Variants in YEATS4 observed in about 807,000 individuals in gnomAD.
YEATS4 encodes the protein YEATS domain-containing protein 4.
A neutral mutation model predicts 30.1 loss-of-function variants in YEATS4; 17 were observed. That is an observed-to-expected ratio of 0.56 (90% CI 0.39 to 0.85). YEATS4 has a LOEUF of 0.85. Among genes scored for constraint, YEATS4 ranks in the 40% least tolerant of loss-of-function variants. The pLI is 0.00. For synonymous variants in YEATS4, 85 were observed against 87.5 expected, an observed-to-expected ratio of 0.97 and a Z score of 0.16; for missense variants, 142 against 268.3, an observed-to-expected ratio of 0.53 and a Z score of 3.29.
chr12:69,405,673 G>T, the YEATS4 span, among the ~76,000 whole-genome samples: 4 of 152,212 alleles, frequency 2.6e-5, no homozygotes, highest in Non-Finnish European at 5.9e-5. Context: ...TGCAGACAGC[G>T]TGGATCTGCT....
intron 4 of YEATS4, among the ~76,000 whole-genome samples, chr12:69,367,192 C>G (rs547903512): frequency 1.3e-5 from 2 of 152,120 alleles, no homozygotes; most frequent in Non-Finnish European, 2.9e-5. Flanking sequence ...TACTTCGTTA[C>G]GCTTCCCTGA....
chr12:69,377,507 C>T (rs549674671), intron 6 of YEATS4, among the ~76,000 whole-genome samples: 2 of 152,204 alleles, frequency 1.3e-5, no homozygotes, highest in South Asian at 4.1e-4. Context: ...GCGATCCTCC[C>T]ACCTCAGCCT....
At position 69,370,937 on chromosome 12, in the gene YEATS4, G is replaced by A. The variant is rs1464980352; in HGVS notation, c.476G>A (p.Arg159His). The change falls in exon 6 of 7, where the codon CGT (arginine) becomes CAT (histidine). Residue 159 changes from arginine to histidine, a missense_variant. Physicochemically the swap from Arg to His is conservative, Grantham distance 29. Around this residue, in one of 3 missense-constraint regions of YEATS4, gnomAD observed 64 missense variants for 164.0 expected, o/e 0.39. Transcript: ENST00000247843. ...ATGCAACAATTATTGACAACATCTC[G>A]TCAGCTAACATTAGGAGCCTATAAG... ...AMMQQLLTTS[R>H]QLTLGAYKHE... 5.0e-6 allele frequency: 8 copies of A among 1,612,992 alleles called. No homozygotes were observed. The highest frequency in any genetic ancestry group is 1.1e-5 in the South Asian group (1 of 90,938).
the YEATS4 span, among the ~76,000 whole-genome samples, chr12:69,423,178 C>T: frequency 6.6e-6 from 1 of 152,170 alleles, no homozygotes; most frequent in Non-Finnish European, 1.5e-5. Context: ...ATCTAACCAG[C>T]AACAAATCAA....
At chr12:69,403,414 T>C in the YEATS4 span, among the ~76,000 whole-genome samples, 1 of 151,926 alleles carries the variant, frequency 6.6e-6, no homozygotes, top group Non-Finnish European at 1.5e-5. Flanking sequence ...CTGTCCCTAC[T>C]AAAAATACCA....
the YEATS4 span, among the ~76,000 whole-genome samples, chr12:69,407,796 A>C: frequency 7.6e-6 from 1 of 132,350 alleles, no homozygotes; most frequent in East Asian, 2.3e-4. Flanking sequence ...AGCTCACCAC[A>C]ACCTCTGCCT....
intron 6 of YEATS4, among the ~76,000 whole-genome samples, chr12:69,389,621 CTCATG>C (rs1868292845): frequency 1.2e-5 from 1 of 85,416 alleles, no homozygotes; most frequent in African/African-American, 6.3e-5. Flanking sequence ...TCAAGTGATT[CTCATG>C]CCTCAGCCAC....
the YEATS4 span, among the ~76,000 whole-genome samples, chr12:69,402,334 TTC>T: frequency 4.8e-5 from 4 of 83,886 alleles, no homozygotes; most frequent in Admixed American, 5.1e-4. Flanking sequence ...AATGGGGCCA[TTC>T]GTTGTGGGCC....
intron 6 of YEATS4, among the ~76,000 whole-genome samples, chr12:69,386,183 G>T (rs977135257): frequency 1.3e-5 from 2 of 152,194 alleles, no homozygotes; most frequent in Admixed American, 1.3e-4. Flanking sequence ...GGATCTCATT[G>T]CTAATTAACT....
intron 6 of YEATS4, among the ~76,000 whole-genome samples, chr12:69,383,756 A>G (rs1876169102): frequency 6.6e-6 from 1 of 152,210 alleles, no homozygotes; most frequent in African/African-American, 2.4e-5. Flanking sequence ...TGAAGTGGAT[A>G]AGAGAACATC....
chr12:69,362,546 A>G (rs1471011714), intron 1 of YEATS4, among the ~76,000 whole-genome samples: 1 of 152,206 alleles, frequency 6.6e-6, no homozygotes, highest in Non-Finnish European at 1.5e-5. Flanking sequence ...CAACACTCTA[A>G]AAGCGCTTTA....
downstream of YEATS4, among the ~76,000 whole-genome samples, chr12:69,395,378 A>G (rs188565561): frequency 6.6e-6 from 1 of 152,326 alleles, no homozygotes; most frequent in East Asian, 1.9e-4. Context: ...ATATCATGAT[A>G]CAATGGAATC....
chr12:69,394,323 ATG>A (rs1184818006), downstream of YEATS4, among the ~76,000 whole-genome samples: 1 of 152,226 alleles, frequency 6.6e-6, no homozygotes, highest in African/African-American at 2.4e-5. Context: ...TGGGACATAT[ATG>A]TGTCTAAAGC....
At chr12:69,368,284 T>C (rs1451561932) in intron 4 of YEATS4, among the ~76,000 whole-genome samples, 1 of 152,188 alleles carries the variant, frequency 6.6e-6, no homozygotes, top group African/African-American at 2.4e-5. Context: ...CAAGCCACTA[T>C]AAAAAGAATG....
intron 1 of YEATS4, 53 bp from the exon 2 acceptor site, chr12:69,362,735 A>T: frequency 2.1e-6 from 3 of 1,409,932 alleles, no homozygotes; most frequent in Non-Finnish European, 1.9e-6. Context: ...CTTATTCTGC[A>T]TATTTAGCTA....
At chr12:69,362,981 AGT>A (rs1490623770) in intron 2 of YEATS4, 74 bp downstream of exon 2, 71,588 of 311,876 alleles carry the variant, frequency 0.23, 23,261 homozygotes, top group African/African-American at 0.28. Flanking sequence ...GACAACCTGT[AGT>A]TTTTTTTTTT....
the YEATS4 span, among the ~76,000 whole-genome samples, chr12:69,414,616 C>T: frequency 0.29 from 43,969 of 152,138 alleles, 7,196 homozygotes; most frequent in Non-Finnish European, 0.37. Flanking sequence ...ATTCCACAAA[C>T]TCTGTCCATT....
At chr12:69,369,390 T>C (rs1469008475) in intron 4 of YEATS4, among the ~76,000 whole-genome samples, 1 of 152,214 alleles carries the variant, frequency 6.6e-6, no homozygotes, top group Non-Finnish European at 1.5e-5. Flanking sequence ...ATCTGAAATG[T>C]CCTTATTTTT....
chr12:69,398,281 A>C, the YEATS4 span, among the ~76,000 whole-genome samples: 1 of 152,152 alleles, frequency 6.6e-6, no homozygotes, highest in East Asian at 1.9e-4. Flanking sequence ...AGATGACATA[A>C]TCTTGTGTAA....
Sources: gnomAD v4.1 joint callset for allele counts (sites outside exome capture counted in the v4.1 genomes callset) on GRCh38, gnomAD v4.1.1 for gene constraint, gnomAD v4.1.1 regional missense constraint, MANE v1.5 for transcripts, NCBI Gene and HGNC (gene_info 2026-07-23, HGNC 2026-07-21) for gene names.